MSTO1: variants seen among roughly 807,000 people sequenced by gnomAD.
MSTO1 encodes misato mitochondrial distribution and morphology regulator 1, also known as protein misato homolog 1.
MSTO1 carries 24 observed loss-of-function variants against 55.7 expected under a neutral mutation model. The observed-to-expected ratio is 0.43, with a 90% CI of 0.31 to 0.61. The LOEUF (loss-of-function observed/expected upper bound fraction) is 0.61, where lower values mean the gene tolerates loss of function less well. MSTO1 is among the 20% of genes least tolerant of loss of function. The pLI is 0.09. For missense variants in MSTO1, 363 were observed against 625.7 expected (o/e 0.58, Z 4.48); for synonymous variants, 162 against 252.8 (o/e 0.64, Z 3.41).
the MSTO1 span, among the ~76,000 whole-genome samples, chr1:155,604,773 G>T: frequency 1.3e-5 from 2 of 152,196 alleles, no homozygotes; most frequent in Admixed American, 6.5e-5. Context: ...TACTTGGGGG[G>T]CTGAGGTGGG....
the MSTO1 span, among the ~76,000 whole-genome samples, chr1:155,596,076 G>T: frequency 6.6e-6 from 1 of 152,128 alleles, no homozygotes; most frequent in African/African-American, 2.4e-5. Flanking sequence ...TACCCTCTGA[G>T]TCTTCCCATC....
chr1:155,574,043 C>T, the MSTO1 span, among the ~76,000 whole-genome samples: 2 of 152,032 alleles, frequency 1.3e-5, no homozygotes, highest in Non-Finnish European at 2.9e-5. Context: ...GTGGAATCTT[C>T]TGTTGGATCT....
chr1:155,565,676 C>T, the MSTO1 span, among the ~76,000 whole-genome samples: 1 of 152,188 alleles, frequency 6.6e-6, no homozygotes, highest in Admixed American at 6.5e-5. Context: ...GAGTTACTTA[C>T]ATATGGTCTC....
At chr1:155,597,712 G>T in the MSTO1 span, among the ~76,000 whole-genome samples, 3 of 151,334 alleles carry the variant, frequency 2.0e-5, no homozygotes, top group Non-Finnish European at 4.4e-5. Context: ...GTTTCACCAT[G>T]TTGGTCAGGC....
the MSTO1 span, among the ~76,000 whole-genome samples, chr1:155,587,692 C>G: frequency 2.7e-5 from 4 of 145,644 alleles, no homozygotes; most frequent in African/African-American, 5.1e-5. Context: ...TGCAGTGAGC[C>G]GAGATCGCGC....
chr1:155,599,615 C>T, the MSTO1 span, among the ~76,000 whole-genome samples: 1 of 152,110 alleles, frequency 6.6e-6, no homozygotes, highest in Non-Finnish European at 1.5e-5. Context: ...GAAAAAGACA[C>T]AGAGACAAAG....
the MSTO1 span, among the ~76,000 whole-genome samples, chr1:155,583,409 G>C: frequency 6.6e-6 from 1 of 151,730 alleles, no homozygotes; most frequent in African/African-American, 2.4e-5. Flanking sequence ...GTGGTTGCAC[G>C]TGCCTGTAGT....
At chr1:155,596,058 C>T in the MSTO1 span, among the ~76,000 whole-genome samples, 27 of 152,182 alleles carry the variant, frequency 1.8e-4, 1 homozygote, top group South Asian at 5.6e-3. Context: ...GCTTTCTTTC[C>T]CTGCCCCTAC....
chr1:155,589,261 G>A, the MSTO1 span, among the ~76,000 whole-genome samples: 2 of 151,440 alleles, frequency 1.3e-5, no homozygotes, highest in Non-Finnish European at 2.9e-5. Context: ...TCATGCCACT[G>A]CACTCTAGCC....
upstream of MSTO1, among the ~76,000 whole-genome samples, chr1:155,606,197 C>CATTTTTTTT (rs1558242399): frequency 3.4e-4 from 18 of 53,260 alleles, no homozygotes; most frequent in African/African-American, 1.1e-3. Context: ...CCATGCCCAG[C>CATTTTTTTT]CTTTTTTTTT....
chr1:155,573,879 T>C, the MSTO1 span, among the ~76,000 whole-genome samples: 1 of 151,698 alleles, frequency 6.6e-6, no homozygotes, highest in African/African-American at 2.4e-5. Context: ...GTACCCAGGC[T>C]ATGCTAGGCA....
At chr1:155,582,661 A>G in the MSTO1 span, among the ~76,000 whole-genome samples, 2 of 151,862 alleles carry the variant, frequency 1.3e-5, no homozygotes, top group Non-Finnish European at 2.9e-5. Flanking sequence ...GGGTTTCACC[A>G]TCTTGGCCAG....
chr1:155,595,553 T>C, the MSTO1 span, among the ~76,000 whole-genome samples: 1 of 151,328 alleles, frequency 6.6e-6, no homozygotes, highest in Non-Finnish European at 1.5e-5. Context: ...AGTGCTGTGA[T>C]CTCTGCTCAC....
chr1:155,569,768 G>A, the MSTO1 span, among the ~76,000 whole-genome samples: 1 of 151,552 alleles, frequency 6.6e-6, no homozygotes, highest in East Asian at 1.9e-4. Flanking sequence ...TGTTTTTTTA[G>A]GTTTTTTTTA....
the MSTO1 span, among the ~76,000 whole-genome samples, chr1:155,579,350 C>CA: frequency 6.7e-6 from 1 of 149,386 alleles, no homozygotes; most frequent in African/African-American, 2.5e-5. Flanking sequence ...AACAAACAAA[C>CA]AAAAAACCCA....
chr1:155,583,029 C>T, the MSTO1 span, among the ~76,000 whole-genome samples: 5 of 147,728 alleles, frequency 3.4e-5, no homozygotes, highest in Non-Finnish European at 7.4e-5. Flanking sequence ...CCATGCCTGG[C>T]AAATTAAAAA....
the MSTO1 span, among the ~76,000 whole-genome samples, chr1:155,564,465 G>A: frequency 1.3e-5 from 2 of 152,160 alleles, no homozygotes; most frequent in African/African-American, 4.8e-5. Context: ...TTGCACTCCA[G>A]CCTGGGCAAC....
At chr1:155,572,608 GAGGCTGAGGC>G in the MSTO1 span, among the ~76,000 whole-genome samples, 1 of 152,092 alleles carries the variant, frequency 6.6e-6, no homozygotes, top group Non-Finnish European at 1.5e-5. Flanking sequence ...AGCTACTCGG[GAGGCTGAGGC>G]AGAGAATTGC....
At chr1:155,596,064 CCTACCCT>C in the MSTO1 span, among the ~76,000 whole-genome samples, 1 of 152,080 alleles carries the variant, frequency 6.6e-6, no homozygotes, top group Non-Finnish European at 1.5e-5. Context: ...TTTCCCTGCC[CCTACCCT>C]CTGAGTCTTC....
Sources: allele counts gnomAD v4.1 joint callset (sites outside exome capture counted in the v4.1 genomes callset), GRCh38; gene constraint gnomAD v4.1.1; transcripts MANE v1.5; gene names NCBI Gene and HGNC (gene_info 2026-07-23, HGNC 2026-07-21).